The following MCC variants were observed in gnomAD, a reference collection of about 807,000 sequenced individuals.
MCC encodes colorectal mutant cancer protein.
MCC carries 90 observed loss-of-function variants against 116.2 expected under a neutral mutation model. The ratio of observed to expected loss-of-function variants is 0.77; its 90% CI spans 0.65 to 0.92. The LOEUF (loss-of-function observed/expected upper bound fraction) is 0.92. Ranked by LOEUF, MCC falls within the 40% of genes least tolerant of loss-of-function variation. The pLI is 0.00. For synonymous variants in MCC, 578 were observed against 510.5 expected (o/e 1.13, Z -1.78); for missense variants, 1,516 against 1,312.2 (o/e 1.16, Z -2.40).
intron 5 of MCC, among the ~76,000 whole-genome samples, chr5:113,132,441 TATACACACAC>T (rs746193698): frequency 0.082 from 7,897 of 96,856 alleles, 440 homozygotes; most frequent in East Asian, 0.22. Context: ...TATATATATA[TATACACACAC>T]ACACACACAC....
At chr5:113,273,632 A>T (rs186393190) in intron 3 of MCC, among the ~76,000 whole-genome samples, 51 of 152,318 alleles carry the variant, frequency 3.3e-4, no homozygotes, top group African/African-American at 1.2e-3. Flanking sequence ...TGTAGAGACT[A>T]AATGCAATAC....
chr5:113,247,357 T>C (rs963058330), intron 3 of MCC, among the ~76,000 whole-genome samples: 1 of 152,010 alleles, frequency 6.6e-6, no homozygotes, highest in Non-Finnish European at 1.5e-5. Context: ...CACACAAAGG[T>C]AGACCTTGGA....
chr5:113,374,220 T>G (rs13167935), intron 2 of MCC, among the ~76,000 whole-genome samples: 1 of 125,774 alleles, frequency 8.0e-6, no homozygotes, highest in Non-Finnish European at 1.9e-5. Context: ...TTTTTTTGTT[T>G]TTTTTTTTAA....
intron 8 of MCC, among the ~76,000 whole-genome samples, chr5:113,093,694 C>T (rs1282729794): frequency 2.0e-5 from 3 of 151,948 alleles, no homozygotes; most frequent in Non-Finnish European, 4.4e-5. Flanking sequence ...GCGGATGCTT[C>T]AATCTCTGAG....
chr5:113,372,749 T>C (rs931724039), intron 2 of MCC, among the ~76,000 whole-genome samples: 1 of 152,164 alleles, frequency 6.6e-6, no homozygotes, highest in African/African-American at 2.4e-5. Flanking sequence ...TGGAGCGCAG[T>C]GGTGCAATCA....
At chr5:113,053,511 G>A (rs2150222965) in intron 15 of MCC, among the ~76,000 whole-genome samples, 1 of 39,160 alleles carries the variant, frequency 2.6e-5, no homozygotes, top group South Asian at 1.5e-3. Flanking sequence ...GGGACACCCT[G>A]AGAAATCCCT....
chr5:113,022,582 C>G lies in MCC; in HGVS notation c.*4720G>C, dbSNP rs925044265. 1 of 152,130 alleles carries G rather than the reference C, an allele frequency of 6.6e-6. No homozygotes were observed. The highest frequency in any genetic ancestry group is 1.5e-5 in the Non-Finnish European group (1 of 68,042). The allele number at this position is 152,130 out of a possible 1,614,324, so 9.4% of individuals were successfully genotyped here. On this transcript the variant is annotated 3_prime_UTR_variant, in exon 19 of 19. Coordinates refer to ENST00000408903, the MANE Select transcript of MCC (RefSeq NM_001085377.2). ...TAACAAAAGCAGATTATCAGGGGCT[C>G]TTACTCACTTGCCATTCCTGACATG...
At chr5:113,188,958 T>A (rs1762026697) in intron 3 of MCC, among the ~76,000 whole-genome samples, 1 of 152,156 alleles carries the variant, frequency 6.6e-6, no homozygotes, top group South Asian at 2.1e-4. Context: ...AGAAAGTAAA[T>A]GTGAGAAGGG....
intron 1 of MCC, among the ~76,000 whole-genome samples, chr5:113,440,362 CTTCAG>C (rs2150415247): frequency 6.6e-6 from 1 of 152,252 alleles, no homozygotes; most frequent in South Asian, 2.1e-4. Context: ...AGACACTCTA[CTTCAG>C]TTACACCCTC....
chr5:113,453,683 G>A (rs1329840836), intron 1 of MCC, among the ~76,000 whole-genome samples: 1 of 152,236 alleles, frequency 6.6e-6, no homozygotes, highest in East Asian at 1.9e-4. Flanking sequence ...GAAAGTCACA[G>A]AGGAAAAGAT....
chr5:113,182,379 G>T (rs560029706), intron 3 of MCC, among the ~76,000 whole-genome samples: 1 of 152,206 alleles, frequency 6.6e-6, no homozygotes, highest in African/African-American at 2.4e-5. Context: ...AAGATGGTAA[G>T]TGACTCACTC....
rs569244117 is a variant in MCC at position 113,291,915 on chromosome 5, G to C, written c.627+48604C>G. ...CATGTTAAATTGAACTGAGATTTAG[G>C]GTCCACAAGGTATGAACCACACACT... is the stretch of plus-strand genomic sequence containing the variant. On this transcript the variant is annotated intron_variant, in intron 3 of 18. Coordinates refer to ENST00000408903, the MANE Select transcript of MCC (RefSeq NM_001085377.2). 2.6e-5 allele frequency among the ~76,000 whole-genome samples: 4 copies of C among 152,046 alleles called. No homozygotes were observed. The East Asian group carries it at 7.7e-4, about 29-fold the overall frequency.
chr5:113,103,122 T>C (rs1263992696), intron 7 of MCC, among the ~76,000 whole-genome samples: 1 of 151,614 alleles, frequency 6.6e-6, no homozygotes, highest in Admixed American at 6.6e-5. Flanking sequence ...TAAAAAAAAA[T>C]AATAAAAATA....
chr5:113,309,065 A>G (rs1050233969), intron 3 of MCC, among the ~76,000 whole-genome samples: 5 of 152,210 alleles, frequency 3.3e-5, no homozygotes, highest in Non-Finnish European at 5.9e-5. Flanking sequence ...TTTATCAAAG[A>G]TACTCAATTA....
intron 5 of MCC, among the ~76,000 whole-genome samples, chr5:113,135,389 CT>C (rs1185520335): frequency 2.3e-5 from 1 of 43,030 alleles, no homozygotes; most frequent in African/African-American, 7.1e-5. Context: ...ACCGTCTCTA[CT>C]AAAAATACAA....
intron 3 of MCC, among the ~76,000 whole-genome samples, chr5:113,211,235 T>G (rs1057177624): frequency 6.6e-6 from 1 of 152,108 alleles, no homozygotes; most frequent in African/African-American, 2.4e-5. Flanking sequence ...GAGGACACAG[T>G]GAGAAGGTGG....
intron 3 of MCC, among the ~76,000 whole-genome samples, chr5:113,191,143 G>C (rs775551912): frequency 6.6e-6 from 1 of 152,128 alleles, no homozygotes; most frequent in East Asian, 1.9e-4. Context: ...AAGCATCACC[G>C]AGCAGAAGGT....
chr5:113,076,127 A>G (rs7734318), intron 11 of MCC, among the ~76,000 whole-genome samples: 17,073 of 152,196 alleles, frequency 0.11, 2,369 homozygotes, highest in African/African-American at 0.33. Flanking sequence ...CAGCAAGACC[A>G]AGAACCCACC....
rs541136438 is a variant in MCC, at chr5:113,419,951, A to G, written c.171-34739T>C. 2.0e-3 allele frequency among the ~76,000 whole-genome samples: 302 copies of G among 151,302 alleles called. 1 individual carries two copies. The highest frequency in any genetic ancestry group is 7.0e-3 in the African/African-American group (289 of 41,182). ...ACGAGTTAATGGGTGCAGCACACCA[A>G]CATGGCACATGTATACATATGTAAC... On this transcript the variant is annotated intron_variant, in intron 1 of 18. Coordinates refer to ENST00000408903, the MANE Select transcript of MCC (RefSeq NM_001085377.2).
Sources: gnomAD v4.1 joint callset for allele counts (sites outside exome capture counted in the v4.1 genomes callset) on GRCh38, gnomAD v4.1.1 for gene constraint, MANE v1.5 for transcripts, NCBI Gene and HGNC (gene_info 2026-07-23, HGNC 2026-07-21) for gene names.